The following ATXN7 variants were observed in gnomAD, a reference collection of about 807,000 sequenced individuals.
The protein encoded by ATXN7 is ataxin-7.
A neutral mutation model predicts 70.5 loss-of-function variants in ATXN7; 12 were observed. That is an observed-to-expected ratio of 0.17 (90% CI 0.11 to 0.28). The LOEUF is 0.28. Among genes scored for constraint, ATXN7 ranks in the 10% least tolerant of loss-of-function variants. The pLI is 1.00. For missense variants in ATXN7, 1,256 were observed against 1,131.7 expected (o/e 1.11, Z -1.58); for synonymous variants, 498 against 448.7 (o/e 1.11, Z -1.39).
intron 4 of ATXN7, among the ~76,000 whole-genome samples, chr3:63,917,330 A>C: frequency 6.6e-6 from 1 of 152,234 alleles, no homozygotes; most frequent in East Asian, 1.9e-4. Context: ...GTGATTTGTG[A>C]AATTCCGGAC....
In ATXN7 at chr3:64,002,975, T is replaced by TA. The variant is rs2075850394; in HGVS notation, c.*3509dup. ...AATGTATAATTTGAAAAATGTAACT[T>TA]ATAAGGGCAGCTGTCTTCCTGCAAG... On this transcript the variant is annotated 3_prime_UTR_variant, in exon 13 of 13. Transcript: ENST00000674280. 6.6e-6 allele frequency: 1 copy of TA among 152,130 alleles called. No homozygotes were observed. Among genetic ancestry groups the TA allele is most frequent in the Admixed American group, 6.5e-5 (1 of 15,276 alleles). The allele number at this position is 152,130 out of a possible 1,614,324, so 9.4% of individuals were successfully genotyped here.
chr3:63,977,415 A>G, intron 5 of ATXN7, among the ~76,000 whole-genome samples: 1 of 152,150 alleles, frequency 6.6e-6, no homozygotes, highest in East Asian at 1.9e-4. Flanking sequence ...CCTAGAGTGT[A>G]CTTCTTAAAA....
intron 4 of ATXN7, among the ~76,000 whole-genome samples, chr3:63,940,853 TA>T (rs2074749493): frequency 6.6e-6 from 1 of 152,162 alleles, no homozygotes; most frequent in South Asian, 2.1e-4. Flanking sequence ...AGACAAGATT[TA>T]TAAGGTTTTT....
At position 63,889,993 on chromosome 3, in the gene ATXN7, T is replaced by C. The variant is rs145995981; in HGVS notation, c.-110-8406T>C. Among the ~76,000 whole-genome samples, 155 of 152,338 alleles carry C rather than the reference T, an allele frequency of 1.0e-3. 1 individual carries two copies. Among genetic ancestry groups the C allele is most frequent in the Non-Finnish European group, 1.6e-3 (112 of 68,038 alleles). On this transcript the variant is annotated intron_variant, in intron 1 of 12. Transcript: ENST00000674280. ...AAGCAGCATATGATTGTACTTAAAG[T>C]AGCTATTGGGATAGAGGAGAAGGGA...
intron 5 of ATXN7, among the ~76,000 whole-genome samples, chr3:63,956,610 A>G (rs72884002): frequency 0.025 from 3,795 of 152,174 alleles, 155 homozygotes; most frequent in African/African-American, 0.084. Flanking sequence ...GATAGAACCC[A>G]GGAATCTGCA....
In ATXN7 at chr3:63,990,756, C is replaced by A; in HGVS notation, c.1579C>A (p.Arg527=). The A allele has an allele frequency of 3.1e-6, 5 of 1,614,072 alleles. No homozygotes were observed. Among genetic ancestry groups the A allele is most frequent in the Non-Finnish European group, 4.2e-6 (5 of 1,179,978 alleles). ...CTTGCAGTTTTGCACATTTGGGAGC[C>A]GGCAGATAGGAAGAGGCTATTACGT... The part of the protein sequence containing the change: ...QPASFCTFGS[R]QIGRGYYVFD... Residue 527 remains arginine, a synonymous_variant, in exon 11 of 13, where the codon CGG becomes AGG. Coordinates refer to ENST00000674280, the MANE Select transcript of ATXN7 (RefSeq NM_001377405.1).
At chr3:63,980,455 T>A (rs1033661646) in intron 6 of ATXN7, 8 of 401,672 alleles carry the variant, frequency 2.0e-5, no homozygotes, top group Non-Finnish European at 3.6e-5. Context: ...ACAACAACCC[T>A]ATGGAATAGG....
intron 4 of ATXN7, among the ~76,000 whole-genome samples, chr3:63,917,434 C>G (rs897616898): frequency 6.6e-6 from 1 of 152,042 alleles, no homozygotes; most frequent in South Asian, 2.1e-4. Context: ...ATATTAGTGC[C>G]TGAATATTTA....
rs778303464 is a variant in ATXN7 at position 63,997,516 on chromosome 3, G to C, written c.2661+1033G>C. The C allele has an allele frequency of 2.2e-4, 205 of 935,576 alleles. 1 individual carries two copies. Among genetic ancestry groups the C allele is most frequent in the Non-Finnish European group, 3.0e-4 (180 of 605,688 alleles). 58.0% of individuals were successfully genotyped at this position (935,576 alleles called of 1,614,324 possible). On this transcript the variant is annotated intron_variant, in intron 12 of 12. Transcript: ENST00000674280. ...CTCTCTTAGGCTGTATTTTTGTCTC[G>C]TCCCAGCTCTTCTGCCTGTTACTGA...
chr3:63,926,041 G>A (rs1704702900), intron 4 of ATXN7, among the ~76,000 whole-genome samples: 1 of 152,184 alleles, frequency 6.6e-6, no homozygotes, highest in African/African-American at 2.4e-5. Context: ...CAAGTTTCTA[G>A]GTAATGATAA....
At position 63,926,562 on chromosome 3, in the gene ATXN7, G is replaced by A. The variant is rs528960100; in HGVS notation, c.394+13337G>A. ...GTGGAAAAAGGTCAGGTGCTGAAGG[G>A]TTATGAGTGAGTTGGGCAGGCAGAT... On this transcript the variant is annotated intron_variant, in intron 4 of 12. Coordinates refer to ENST00000674280, the MANE Select transcript of ATXN7 (RefSeq NM_001377405.1). 2.0e-5 allele frequency among the ~76,000 whole-genome samples: 3 copies of A among 152,238 alleles called. No homozygotes were observed. In the South Asian group the frequency reaches 6.2e-4, roughly 32 times the overall value.
intron 12 of ATXN7, chr3:63,998,216 TG>T (rs2075791936): frequency 1.2e-6 from 1 of 815,040 alleles, no homozygotes; most frequent in African/African-American, 2.3e-5. Flanking sequence ...GGGGGCCAGG[TG>T]GGGCACAGCA....
At chr3:63,964,065 GACACATAA>G (rs1337260186) in intron 5 of ATXN7, among the ~76,000 whole-genome samples, 1 of 122,526 alleles carries the variant, frequency 8.2e-6, no homozygotes, top group Non-Finnish European at 1.6e-5. Flanking sequence ...ATGTTCCTTA[GACACATAA>G]ACACACACAC....
chr3:63,981,775 T>G (rs896703493), intron 6 of ATXN7, among the ~76,000 whole-genome samples: 2 of 152,236 alleles, frequency 1.3e-5, no homozygotes, highest in Non-Finnish European at 2.9e-5. Context: ...GAAGTTTACT[T>G]TGTTTTGATG....
chr3:63,907,331 A>G (rs890749138), intron 2 of ATXN7, among the ~76,000 whole-genome samples: 12 of 152,180 alleles, frequency 7.9e-5, no homozygotes, highest in South Asian at 2.1e-4. Flanking sequence ...ACAAAGGTAC[A>G]TGGGAAATTA....
At chr3:63,974,844 G>A (rs1027841433) in intron 5 of ATXN7, among the ~76,000 whole-genome samples, 3 of 152,226 alleles carry the variant, frequency 2.0e-5, no homozygotes, top group African/African-American at 7.2e-5. Context: ...AAGGGTATGG[G>A]AAGGGTTGCA....
chr3:63,999,023 G>GGC (rs2075803881), intron 12 of ATXN7: 1 of 161,038 alleles, frequency 6.2e-6, no homozygotes, highest in Non-Finnish European at 1.4e-5. Flanking sequence ...CCCCAGCATG[G>GGC]GCACTGCCTT....
At chr3:63,918,520 A>G (rs914943185) in intron 4 of ATXN7, among the ~76,000 whole-genome samples, 8 of 152,232 alleles carry the variant, frequency 5.3e-5, no homozygotes, top group Non-Finnish European at 8.8e-5. Context: ...TCAGCAAATA[A>G]TGAGTCATGG....
chr3:63,984,588 C>G (rs1337907793), intron 8 of ATXN7, among the ~76,000 whole-genome samples: 1 of 152,206 alleles, frequency 6.6e-6, no homozygotes, highest in Admixed American at 6.5e-5. Context: ...TAATACAGTA[C>G]CTGTGGGCAA....
Sources: allele counts gnomAD v4.1 joint callset (sites outside exome capture counted in the v4.1 genomes callset), GRCh38; gene constraint gnomAD v4.1.1; transcripts MANE v1.5; gene names NCBI Gene and HGNC (gene_info 2026-07-23, HGNC 2026-07-21).